The following CLCN5 variants were observed in gnomAD, a reference collection of about 807,000 sequenced individuals.
The protein encoded by CLCN5 is H(+)/Cl(-) exchange transporter 5.
Under a neutral mutation model 54.0 loss-of-function variants are expected in CLCN5, and 17 were observed. The ratio of observed to expected loss-of-function variants is 0.31; its 90% confidence interval spans 0.22 to 0.47. CLCN5 has a LOEUF of 0.47. Among genes scored for constraint, CLCN5 ranks in the 20% least tolerant of loss-of-function variants. The pLI is 1.00. For synonymous variants in CLCN5, 222 were observed against 233.0 expected (o/e 0.95, Z 0.43); for missense variants, 448 against 646.7 (o/e 0.69, Z 3.33).
intron 4 of CLCN5, among the ~76,000 whole-genome samples, chrX:50,060,215 C>T (rs930461065): frequency 5.4e-5 from 6 of 110,385 alleles, no homozygotes; most frequent in Admixed American, 1.9e-4. Context: ...ACGCAGAAGA[C>T]GGGTGATTTC....
At chrX:50,090,560 A>G in intron 13 of CLCN5, 46 bp downstream of exon 13, 1 of 1,176,663 alleles carries the variant, frequency 8.5e-7, no homozygotes, top group Non-Finnish European at 1.1e-6. Flanking sequence ...GTGGAACTCA[A>G]TAAATATGCC....
chrX:50,018,443 C>G lies in CLCN5; in HGVS notation c.17-23873C>G, dbSNP rs370513827. Among the ~76,000 whole-genome samples the G allele has an allele frequency of 4.0e-4, 45 of 112,284 alleles. 1 individual carries two copies. The South Asian group carries it at 0.016, about 40-fold the overall frequency. On this transcript the variant is annotated intron_variant, in intron 3 of 14. Transcript: ENST00000376091. ...TATTTCTTTCTCCCACTCTGTGTAT[C>G]TTTTACTTCCCTTCCTTGTCTTTTT...
chrX:50,014,627 G>A (rs1557183213), intron 3 of CLCN5: 5 of 357,805 alleles, frequency 1.4e-5, no homozygotes, highest in Admixed American at 1.1e-4. Flanking sequence ...TTGCTATCTG[G>A]GTGCTAGTGC....
intron 3 of CLCN5, among the ~76,000 whole-genome samples, chrX:50,032,383 T>C (rs1449454616): frequency 9.0e-6 from 1 of 111,061 alleles, no homozygotes; most frequent in Non-Finnish European, 1.9e-5. Flanking sequence ...CAGCACCTGT[T>C]GTTTCCTGAC....
intron 4 of CLCN5, 54 bp from the exon 5 acceptor site, chrX:50,069,825 T>A (rs782526646): frequency 1.8e-6 from 2 of 1,135,968 alleles, no homozygotes; most frequent in South Asian, 4.2e-5. Flanking sequence ...AAAGAATGTA[T>A]TAAAAATGTT....
chrX:50,007,124 A>G (rs781888977), intron 3 of CLCN5, among the ~76,000 whole-genome samples: 10 of 111,920 alleles, frequency 8.9e-5, no homozygotes, highest in Admixed American at 4.7e-4. Flanking sequence ...CTGTCTCGGC[A>G]TTCTTCCCTT....
At chrX:49,951,271 A>G (rs1927031896) in intron 3 of CLCN5, among the ~76,000 whole-genome samples, 2 of 112,192 alleles carry the variant, frequency 1.8e-5, no homozygotes, top group Admixed American at 9.5e-5. Flanking sequence ...TATCATGTAC[A>G]TGAGACTAAA....
chrX:49,982,620 A>G (rs1289184265), intron 3 of CLCN5, among the ~76,000 whole-genome samples: 1 of 111,901 alleles, frequency 8.9e-6, no homozygotes, highest in Non-Finnish European at 1.9e-5. Flanking sequence ...AGAAGCAACT[A>G]AATAATGCCA....
In CLCN5 at chrX:49,938,666, G is replaced by C. The variant is rs1442158861; in HGVS notation, c.16+13352G>C. 5.4e-5 allele frequency among the ~76,000 whole-genome samples: 6 copies of C among 112,128 alleles called. No individual in the cohort carries two copies. The East Asian group carries it at 1.7e-3, about 31-fold the overall frequency. On this transcript the variant is annotated intron_variant, in intron 3 of 14. Transcript: ENST00000376091. The stretch of plus-strand genomic sequence containing the variant: ...AGATGGATTAAAGACTTACATGTTA[G>C]ACCTAAAAACCATAAAAACCCTAGA...
In CLCN5 at chrX:50,081,853, A is replaced by G. The variant is rs782503868; in HGVS notation, c.933+6A>G. The G allele has an allele frequency of 3.5e-5, 42 of 1,191,367 alleles. No homozygotes were observed. The highest frequency in any genetic ancestry group is 4.4e-5 in the Non-Finnish European group (39 of 880,177). On this transcript the variant is annotated splice_donor_region_variant and intron_variant, in intron 9 of 14. Transcript: ENST00000376091. ...ATGAAGCCAAGCGCAGAGAGGTAAT[A>G]ATGAATGGCCTTAATAGTCTCTTTT...
chrX:50,027,020 T>TCTTTC (rs1424219435), intron 3 of CLCN5, among the ~76,000 whole-genome samples: 9 of 103,411 alleles, frequency 8.7e-5, no homozygotes, highest in African/African-American at 3.5e-4. Context: ...TTTCTTTCTT[T>TCTTTC]TTTTTTTTTT....
chrX:50,051,656 A>C (rs782452683), intron 4 of CLCN5, among the ~76,000 whole-genome samples: 1 of 111,956 alleles, frequency 8.9e-6, no homozygotes. Flanking sequence ...AACATTGACT[A>C]TTTATTCAGA....
At chrX:50,026,917 T>C (rs1432418185) in intron 3 of CLCN5, among the ~76,000 whole-genome samples, 1 of 111,991 alleles carries the variant, frequency 8.9e-6, no homozygotes, top group Non-Finnish European at 1.9e-5. Flanking sequence ...TTCTGTGAGC[T>C]TCCTGCCTGG....
At chrX:49,971,854 A>T (rs1286143775) in intron 3 of CLCN5, among the ~76,000 whole-genome samples, 1 of 112,072 alleles carries the variant, frequency 8.9e-6, no homozygotes, top group African/African-American at 3.2e-5. Context: ...ACTTTAAATG[A>T]TTGCTTTAAC....
intron 3 of CLCN5, 34 bp from the exon 4 acceptor site, chrX:50,042,282 T>C: frequency 1.2e-6 from 1 of 863,258 alleles, no homozygotes; most frequent in South Asian, 3.1e-5. Flanking sequence ...TTGAAGATCA[T>C]TGTTATAAGC....
At chrX:50,069,041 T>TA (rs782578312) in intron 4 of CLCN5, among the ~76,000 whole-genome samples, 4 of 112,022 alleles carry the variant, frequency 3.6e-5, no homozygotes, top group Non-Finnish European at 7.5e-5. Flanking sequence ...GTTCAGCTGA[T>TA]ATATACTGAT....
chrX:50,080,069 A>G (rs1289215449), intron 7 of CLCN5, among the ~76,000 whole-genome samples: 3 of 111,571 alleles, frequency 2.7e-5, no homozygotes, highest in African/African-American at 9.8e-5. Context: ...AAAAAATTTT[A>G]AAAAGCAAAG....
chrX:49,942,048 G>T (rs1557171028), intron 3 of CLCN5, among the ~76,000 whole-genome samples: 1 of 103,670 alleles, frequency 9.6e-6, no homozygotes, highest in African/African-American at 3.6e-5. Flanking sequence ...AGTAGTCAGG[G>T]CATTTCTGGA....
intron 3 of CLCN5, among the ~76,000 whole-genome samples, chrX:49,957,799 A>G (rs1488970510): frequency 8.9e-6 from 1 of 112,257 alleles, no homozygotes; most frequent in East Asian, 2.8e-4. Flanking sequence ...ATTGATTCAG[A>G]TAATTATGGT....
Sources: gnomAD v4.1 joint callset for allele counts (sites outside exome capture counted in the v4.1 genomes callset) on GRCh38, gnomAD v4.1.1 for gene constraint, MANE v1.5 for transcripts, NCBI Gene and HGNC (gene_info 2026-07-23, HGNC 2026-07-21) for gene names.